The following PLCB1 variants were observed in gnomAD, a reference collection of about 807,000 sequenced individuals.
PLCB1 encodes 1-phosphatidylinositol 4,5-bisphosphate phosphodiesterase beta-1.
Under a neutral mutation model 161.8 loss-of-function variants are expected in PLCB1, and 46 were observed. The ratio of observed to expected loss-of-function variants is 0.28; its 90% CI spans 0.22 to 0.36. The LOEUF is 0.36. Among genes scored for constraint, PLCB1 ranks in the 10% least tolerant of loss-of-function variants. The pLI is 1.00. For missense variants in PLCB1, 1,016 were observed against 1,472.5 expected, an observed-to-expected ratio of 0.69 and a Z score of 5.07; for synonymous variants, 517 against 503.7, an observed-to-expected ratio of 1.03 and a Z score of -0.35.
At chr20:8,769,345 C>T (rs1337433358) in intron 26 of PLCB1, among the ~76,000 whole-genome samples, 1 of 151,594 alleles carries the variant, frequency 6.6e-6, no homozygotes, top group African/African-American at 2.4e-5. Context: ...ACATAACTTT[C>T]AAAAGCAAAA....
intron 9 of PLCB1, among the ~76,000 whole-genome samples, chr20:8,680,972 G>T (rs1990193824): frequency 6.7e-6 from 1 of 149,766 alleles, no homozygotes; most frequent in Admixed American, 6.7e-5. Context: ...TATTTGCTTG[G>T]TTTTTGTTGA....
intron 2 of PLCB1, among the ~76,000 whole-genome samples, chr20:8,275,246 C>CAT (rs1555794519): frequency 3.9e-5 from 2 of 50,870 alleles, no homozygotes; most frequent in African/African-American, 1.7e-4. Context: ...TTTGCATCAG[C>CAT]GTGAGTGTGT....
chr20:8,533,308 A>G (rs952285160), intron 3 of PLCB1, among the ~76,000 whole-genome samples: 17 of 151,062 alleles, frequency 1.1e-4, no homozygotes, highest in South Asian at 6.3e-4. Context: ...ATTGTGAATA[A>G]TGCCGCAATA....
chr20:8,877,457 C>G (rs1987818634), intron 31 of PLCB1, among the ~76,000 whole-genome samples: 1 of 152,206 alleles, frequency 6.6e-6, no homozygotes, highest in South Asian at 2.1e-4. Flanking sequence ...TTTCTGACTT[C>G]AATATTTAAT....
rs1990622987 is a variant in PLCB1 at position 8,698,221 on chromosome 20, A to G, written c.1167+438A>G. 2.0e-5 allele frequency among the ~76,000 whole-genome samples: 3 copies of G among 152,170 alleles called. No homozygotes were observed. The South Asian group carries it at 6.2e-4, about 31-fold the overall frequency. On this transcript the variant is annotated intron_variant, in intron 11 of 31. Coordinates refer to ENST00000338037, the MANE Select transcript of PLCB1 (RefSeq NM_015192.4). ...CTTCCATGTATCCATTCCCATCAGA[A>G]TGTCCCGTTTACCCTCAGAGGTGAC...
intron 2 of PLCB1, among the ~76,000 whole-genome samples, chr20:8,291,506 A>G (rs993626904): frequency 1.3e-5 from 2 of 152,160 alleles, no homozygotes; most frequent in Admixed American, 1.3e-4. Context: ...CCTCTCAACT[A>G]TTTCTTTAGG....
chr20:8,741,072 C>T (rs1057334194), intron 22 of PLCB1, among the ~76,000 whole-genome samples: 1 of 152,138 alleles, frequency 6.6e-6, no homozygotes, highest in Admixed American at 6.5e-5. Context: ...GTCATTTGGG[C>T]CAAATAGGAC....
intron 7 of PLCB1, chr20:8,651,879 C>T (rs1224860072): frequency 4.7e-5 from 9 of 191,712 alleles, no homozygotes; most frequent in Non-Finnish European, 9.5e-5. Flanking sequence ...AAAAGACCAC[C>T]GCATTCAAGC....
chr20:8,757,230 T>G, intron 24 of PLCB1, 52 bp downstream of exon 24: 2 of 1,546,360 alleles, frequency 1.3e-6, no homozygotes, highest in Non-Finnish European at 1.7e-6. Context: ...TCCAGTTCAT[T>G]AGTGCCACTG....
At chr20:8,440,397 C>A (rs1980505503) in intron 3 of PLCB1, among the ~76,000 whole-genome samples, 1 of 152,182 alleles carries the variant, frequency 6.6e-6, no homozygotes, top group African/African-American at 2.4e-5. Context: ...AATGACTTGA[C>A]TGTTACAGCT....
At chr20:8,880,077 G>GA (rs1600111628) in intron 31 of PLCB1, among the ~76,000 whole-genome samples, 2 of 152,056 alleles carry the variant, frequency 1.3e-5, no homozygotes, top group East Asian at 3.9e-4. Flanking sequence ...CAGACGATTT[G>GA]TGTGCACTTA....
intron 3 of PLCB1, among the ~76,000 whole-genome samples, chr20:8,590,747 A>T (rs558066314): frequency 7.9e-5 from 12 of 151,688 alleles, no homozygotes; most frequent in Admixed American, 5.9e-4. Context: ...CTTTCTTCAA[A>T]TTCCCTCTTC....
At chr20:8,459,562 A>G (rs887826306) in intron 3 of PLCB1, among the ~76,000 whole-genome samples, 32 of 152,348 alleles carry the variant, frequency 2.1e-4, no homozygotes, top group Admixed American at 1.4e-3. Flanking sequence ...TGATAATTAA[A>G]TGTGCCTGAT....
At chr20:8,323,794 A>T (rs1347872992) in intron 2 of PLCB1, among the ~76,000 whole-genome samples, 1 of 151,964 alleles carries the variant, frequency 6.6e-6, no homozygotes, top group Non-Finnish European at 1.5e-5. Flanking sequence ...ACCTTTCATC[A>T]TCATAGGGCC....
intron 9 of PLCB1, among the ~76,000 whole-genome samples, chr20:8,672,521 G>A (rs756942570): frequency 2.6e-5 from 4 of 151,670 alleles, no homozygotes; most frequent in Non-Finnish European, 5.9e-5. Context: ...ACTAGCTCAG[G>A]AGCAGTTCCA....
intron 2 of PLCB1, among the ~76,000 whole-genome samples, chr20:8,312,031 A>G (rs551230882): frequency 5.3e-4 from 80 of 152,260 alleles, no homozygotes; most frequent in South Asian, 1.9e-3. Flanking sequence ...GCATATACAG[A>G]TAACGGTGAG....
chr20:8,739,019 G>A (rs934509286), intron 20 of PLCB1, among the ~76,000 whole-genome samples: 8 of 152,142 alleles, frequency 5.3e-5, no homozygotes, highest in African/African-American at 1.9e-4. Context: ...AGGTGTGGGG[G>A]CATGCACCTG....
At chr20:8,422,948 G>A (rs1390314645) in intron 3 of PLCB1, among the ~76,000 whole-genome samples, 1 of 152,112 alleles carries the variant, frequency 6.6e-6, no homozygotes, top group African/African-American at 2.4e-5. Flanking sequence ...TCCTTCACAG[G>A]AACGTTTGGA....
At chr20:8,326,924 C>T (rs888970041) in intron 2 of PLCB1, among the ~76,000 whole-genome samples, 1 of 152,170 alleles carries the variant, frequency 6.6e-6, no homozygotes, top group East Asian at 1.9e-4. Context: ...CTTGCTCTGT[C>T]GCTCAGGCTG....
Sources: gnomAD v4.1 joint callset for allele counts (sites outside exome capture counted in the v4.1 genomes callset) on GRCh38, gnomAD v4.1.1 for gene constraint, MANE v1.5 for transcripts, NCBI Gene and HGNC (gene_info 2026-07-23, HGNC 2026-07-21) for gene names.